The following PCLO variants were observed in gnomAD, a reference collection of about 807,000 sequenced individuals.
PCLO encodes piccolo presynaptic cytomatrix protein, also known as protein piccolo.
Under a neutral mutation model 427.5 loss-of-function variants are expected in PCLO, and 82 were observed. The ratio of observed to expected loss-of-function variants is 0.19; its 90% CI spans 0.16 to 0.23. PCLO has a LOEUF of 0.23. Ranked by LOEUF, PCLO falls within the 10% of genes least tolerant of loss-of-function variation. The pLI, the probability that PCLO is intolerant of heterozygous loss-of-function variation, is 1.00. For synonymous variants in PCLO, 2,357 were observed against 2,155.4 expected (o/e 1.09, Z -2.59); for missense variants, 6,239 against 6,115.9 (o/e 1.02, Z -0.67).
rs143816751 is a variant in PCLO at position 83,093,105 on chromosome 7, T to A, written c.3300+41145A>T. Among the ~76,000 whole-genome samples, 226 of 152,082 alleles carry A rather than the reference T, an allele frequency of 1.5e-3. 1 individual carries two copies. The highest frequency in any genetic ancestry group is 5.3e-3 in the African/African-American group (220 of 41,506). On this transcript the variant is annotated intron_variant, in intron 3 of 24. Coordinates refer to ENST00000333891, the MANE Select transcript of PCLO (RefSeq NM_033026.6). ...CCTAGAAAACGCTAAATTTCATAAA[T>A]CCAGAATTTTGTGTCTTCTTTAAAT...
At chr7:82,869,095 C>T (rs1793168058) in intron 10 of PCLO, among the ~76,000 whole-genome samples, 1 of 151,844 alleles carries the variant, frequency 6.6e-6, no homozygotes, top group Admixed American at 6.6e-5. Flanking sequence ...TCAAAAAATC[C>T]AGTGATTAAA....
rs1431342416 is a variant in PCLO at position 82,916,011 on chromosome 7, G to C, written c.11975C>G (p.Ser3992Cys). 6.2e-7 allele frequency: 1 copy of C among 1,612,748 alleles called. No individual in the cohort carries two copies. The highest frequency in any genetic ancestry group is 1.3e-5 in the African/African-American group (1 of 75,032). Residue 3992 changes from serine to cysteine, a missense_variant, in exon 7 of 25, where the codon TCT becomes TGT. By Grantham distance (112) the Ser-to-Cys change is moderately radical (BLOSUM62 -1). This residue lies in a region of PCLO where 680 missense variants were observed against 677.3 expected (regional missense o/e 1.00). Coordinates refer to ENST00000333891, the MANE Select transcript of PCLO (RefSeq NM_033026.6). ...RNQPLMIAPV[S>C]TDNTFAVSHL... is the part of the protein sequence containing the mutation. ...GGAAACAGCAAATGTGTTATCCGTA[G>C]AAACAGGTGCTATCATAAGGGGTTG...
intron 16 of PCLO, among the ~76,000 whole-genome samples, chr7:82,830,269 T>C (rs1792060850): frequency 1.3e-5 from 2 of 151,904 alleles, no homozygotes; most frequent in South Asian, 4.1e-4. Flanking sequence ...ACTTGAAATA[T>C]TTTATAATGA....
At chr7:82,806,256 C>T (rs1791455292) in intron 20 of PCLO, among the ~76,000 whole-genome samples, 1 of 151,888 alleles carries the variant, frequency 6.6e-6, no homozygotes, top group African/African-American at 2.4e-5. Flanking sequence ...TTATTTTTTT[C>T]CTATTACTAG....
intron 2 of PCLO, among the ~76,000 whole-genome samples, chr7:83,144,221 A>G (rs563533622): frequency 3.3e-5 from 5 of 152,290 alleles, no homozygotes; most frequent in Admixed American, 2.0e-4. Flanking sequence ...CAGGAGTTCA[A>G]GACCAGCCTG....
chr7:82,890,568 T>G (rs886851933), intron 9 of PCLO, among the ~76,000 whole-genome samples: 2 of 151,992 alleles, frequency 1.3e-5, no homozygotes, highest in African/African-American at 4.8e-5. Flanking sequence ...TAAAATAGAT[T>G]TAACGTTATA....
intron 10 of PCLO, among the ~76,000 whole-genome samples, chr7:82,872,022 GA>G (rs1278412914): frequency 1.6e-4 from 25 of 151,526 alleles, no homozygotes; most frequent in Admixed American, 1.6e-3. Flanking sequence ...GTTTTTAGAA[GA>G]AAAAAAGAAT....
chr7:83,000,563 T>C (rs1787797817), intron 3 of PCLO, among the ~76,000 whole-genome samples: 1 of 151,924 alleles, frequency 6.6e-6, no homozygotes, highest in African/African-American at 2.4e-5. Context: ...CCACCTTAGA[T>C]CATCAGGCAT....
rs138139306 is a variant in PCLO, at chr7:83,086,111, T to C, written c.3300+48139A>G. 4.8e-3 allele frequency among the ~76,000 whole-genome samples: 530 copies of C among 111,422 alleles called. 3 individuals are homozygous for C. The highest frequency in any genetic ancestry group is 0.017 in the African/African-American group (506 of 29,352). The allele number at this position is 111,422 out of a possible 152,430, so 73.1% of individuals were successfully genotyped here. On this transcript the variant is annotated intron_variant, in intron 3 of 24. Coordinates refer to ENST00000333891, the MANE Select transcript of PCLO (RefSeq NM_033026.6). ...CACTGACAATTTCTTTCTTTCCTTT[T>C]TTTTTCTTTTTTTTTTGAGACGGAG... is the stretch of plus-strand genomic sequence containing the variant.
intron 20 of PCLO, among the ~76,000 whole-genome samples, chr7:82,814,929 T>C (rs1444480240): frequency 6.6e-6 from 1 of 152,054 alleles, no homozygotes; most frequent in Non-Finnish European, 1.5e-5. Flanking sequence ...GAGAAGAAAC[T>C]GATTAGCATC....
chr7:83,107,986 T>TA (rs58192300), intron 3 of PCLO, among the ~76,000 whole-genome samples: 1,842 of 95,140 alleles, frequency 0.019, 43 homozygotes, highest in African/African-American at 0.05. Flanking sequence ...AGACTCCGTC[T>TA]AAAAAAAAAA....
chr7:82,857,477 A>C (rs1792838744), intron 10 of PCLO, among the ~76,000 whole-genome samples: 1 of 152,174 alleles, frequency 6.6e-6, no homozygotes, highest in African/African-American at 2.4e-5. Flanking sequence ...ATAGATTTTA[A>C]CATAAAATAT....
At chr7:82,798,489 ATCTCAAG>A (rs375308705) in intron 22 of PCLO, among the ~76,000 whole-genome samples, 26 of 152,196 alleles carry the variant, frequency 1.7e-4, no homozygotes, top group African/African-American at 6.3e-4. Flanking sequence ...TTAAACATAT[ATCTCAAG>A]TACAACACAA....
chr7:82,782,509 T>A (rs1307681635), intron 22 of PCLO, among the ~76,000 whole-genome samples: 1 of 152,192 alleles, frequency 6.6e-6, no homozygotes, highest in Non-Finnish European at 1.5e-5. Context: ...GCATCCAATA[T>A]TGTAAATCTA....
At chr7:83,017,059 T>A (rs1788227235) in intron 3 of PCLO, among the ~76,000 whole-genome samples, 1 of 152,000 alleles carries the variant, frequency 6.6e-6, no homozygotes, top group Non-Finnish European at 1.5e-5. Context: ...AAGGGGAAAA[T>A]CTTTCCAAAG....
At chr7:82,939,947 A>G (rs189042071) in intron 6 of PCLO, among the ~76,000 whole-genome samples, 99 of 152,184 alleles carry the variant, frequency 6.5e-4, no homozygotes, top group Admixed American at 3.7e-3. Flanking sequence ...GGTAAATTAA[A>G]TTAAATCAAG....
intron 3 of PCLO, among the ~76,000 whole-genome samples, chr7:83,019,805 A>G (rs1420822127): frequency 6.6e-6 from 1 of 152,122 alleles, no homozygotes; most frequent in Non-Finnish European, 1.5e-5. Flanking sequence ...AATTATGACT[A>G]GAGAATCCAT....
Position 82,916,114 on chromosome 7 carries a change from C to A in PCLO, c.11872G>T (p.Val3958Leu). 1.2e-6 allele frequency: 2 copies of A among 1,613,594 alleles called. No individual in the cohort carries two copies. Among genetic ancestry groups the A allele is most frequent in the East Asian group, 2.2e-5 (1 of 44,860 alleles). ...GTTTGCCGTGGCTTCTGTTGTATCA[C>A]CATCATCTGTGAAGGTAACTGATAA... is the stretch of plus-strand genomic sequence containing the variant. Reference protein sequence around the residue: ...PSYQLPSQMMVIQQKPRQTTL... With the variant: ...PSYQLPSQMMLIQQKPRQTTL... Residue 3958 changes from valine (V) to leucine (L), a missense_variant, in exon 7 of 25, where the codon GTG becomes TTG. By Grantham distance (32) the Val-to-Leu change is conservative (BLOSUM62 1). This residue lies in a region of PCLO where 680 missense variants were observed against 677.3 expected (regional missense o/e 1.00). Coordinates refer to ENST00000333891, the MANE Select transcript of PCLO (RefSeq NM_033026.6).
chr7:83,066,415 A>G (rs1315152822), intron 3 of PCLO, among the ~76,000 whole-genome samples: 1 of 152,080 alleles, frequency 6.6e-6, no homozygotes, highest in African/African-American at 2.4e-5. Flanking sequence ...ATATGTGCTC[A>G]TAGAAGAAAC....
Sources: gnomAD v4.1 joint callset for allele counts (sites outside exome capture counted in the v4.1 genomes callset) on GRCh38, gnomAD v4.1.1 for gene constraint, gnomAD v4.1.1 regional missense constraint, MANE v1.5 for transcripts, NCBI Gene and HGNC (gene_info 2026-07-23, HGNC 2026-07-21) for gene names.